Variants in CCDC163 observed in about 807,000 individuals in gnomAD.
CCDC163 encodes transmembrane protein CCDC163.
In CCDC163, 13 loss-of-function variants were observed where a neutral mutation model predicts 8.2. That is an observed-to-expected ratio of 1.59 (90% confidence interval 1.04 to 2.54). CCDC163 has a LOEUF of 2.54. Ranked by LOEUF, CCDC163 falls within the 30% of genes most tolerant of loss-of-function variation. The probability of loss-of-function intolerance (pLI) is 0.00; values close to 1 mark genes in which losing one functional copy is unlikely to be tolerated. For synonymous variants in CCDC163, 41 were observed against 30.9 expected (o/e 1.33, Z -1.08); for missense variants, 117 against 78.6 (o/e 1.49, Z -1.85).
chr1:45,497,222 T>G (rs61788289), intron 3 of CCDC163, 77 bp downstream of exon 3: 35,679 of 668,842 alleles, frequency 0.053, 1,292 homozygotes, highest in Non-Finnish European at 0.07. Flanking sequence ...TAAATAAAAA[T>G]AAATAAAAGA....
In CCDC163 at chr1:45,500,042, C is replaced by G. The variant is rs886107570; in HGVS notation, c.-433G>C. On this transcript the variant is annotated 5_prime_UTR_variant, in exon 1 of 5. Coordinates refer to ENST00000629482, the MANE Select transcript of CCDC163 (RefSeq NM_001102601.3). ...CCTGGGAAACTGAGGTCGCCTCTTG[C>G]GAACACAACCGGCGATGGAGGCGGT... 9.4e-6 allele frequency: 5 copies of G among 530,826 alleles called. No individual in the cohort carries two copies. Among genetic ancestry groups the G allele is most frequent in the Non-Finnish European group, 1.7e-5 (5 of 293,200 alleles). The allele number at this position is 530,826 out of a possible 1,614,324, so 32.9% of individuals were successfully genotyped here. A position where few individuals can be genotyped will look rare whatever the true frequency, so the allele number is the denominator to read the frequency against.
chr1:45,495,606 A>G (rs1654045684), intron 4 of CCDC163: 3 of 690,098 alleles, frequency 4.3e-6, no homozygotes, highest in Non-Finnish European at 8.0e-6. Context: ...GGGCCCTTCC[A>G]ACACAGAACT....
rs1643495585 is a variant in CCDC163, at chr1:45,499,909, C to T, written c.-300G>A. On this transcript the variant is annotated 5_prime_UTR_variant, in exon 1 of 5. Transcript: ENST00000629482. Reference sequence around the variant, plus strand: ...GGTTGAGACCTCCCCAGAAGTAGTACACTGGCGCCACCACGCCAAACCTGT... The same window carrying T: ...GGTTGAGACCTCCCCAGAAGTAGTATACTGGCGCCACCACGCCAAACCTGT... 4.0e-6 allele frequency: 2 copies of T among 496,998 alleles called. No individual in the cohort carries two copies. The highest frequency in any genetic ancestry group is 7.7e-5 in the East Asian group (2 of 25,854). 30.8% of individuals were successfully genotyped at this position (496,998 alleles called of 1,614,324 possible). A position where few individuals can be genotyped will look rare whatever the true frequency, so the allele number is the denominator to read the frequency against.
In CCDC163 at chr1:45,496,552, C is replaced by T; in HGVS notation, c.330+4G>A. ...TGCAGAGACAAGTCTGAACCTAGTCCTACCTTCCAACTGCCAACCTGAGCC... is the reference window on the plus strand; with the variant it reads ...TGCAGAGACAAGTCTGAACCTAGTCTTACCTTCCAACTGCCAACCTGAGCC... On this transcript the variant is annotated splice_donor_region_variant and intron_variant, in intron 4 of 4. Coordinates refer to ENST00000629482, the MANE Select transcript of CCDC163 (RefSeq NM_001102601.3). The T allele has an allele frequency of 2.6e-6, 2 of 780,470 alleles. No individual in the cohort carries two copies. Among genetic ancestry groups the T allele is most frequent in the Non-Finnish European group, 4.8e-6 (2 of 417,846 alleles). The allele number at this position is 780,470 out of a possible 1,614,324, so 48.3% of individuals were successfully genotyped here.
rs371947887 is a variant in CCDC163, at chr1:45,499,521, C to T, written c.78+11G>A. 5.1e-6 allele frequency: 4 copies of T among 778,668 alleles called. No individual in the cohort carries two copies. Among genetic ancestry groups the T allele is most frequent in the African/African-American group, 1.7e-5 (1 of 59,104 alleles). The allele number at this position is 778,668 out of a possible 1,614,324, so 48.2% of individuals were successfully genotyped here. On this transcript the variant is annotated intron_variant, in intron 1 of 4. Transcript: ENST00000629482. ...CCCCACGCAAACTGGGGACCTCCAC[C>T]AACCCCTCACCTTATTCCGGACCAC...
chr1:45,495,669 T>A (rs1654055960), intron 4 of CCDC163: 4 of 144,464 alleles, frequency 2.8e-5, no homozygotes, highest in East Asian at 2.9e-4. Flanking sequence ...TTTTTTTTTT[T>A]TTTTTTTTTT....
intron 3 of CCDC163, 98 bp downstream of exon 3, chr1:45,497,201 A>C: frequency 1.6e-6 from 1 of 610,018 alleles, no homozygotes; most frequent in African/African-American, 1.9e-5. Context: ...CCATCTCAAA[A>C]AGAATAAAAA....
At position 45,497,309 on chromosome 1, in the gene CCDC163, C is replaced by G. The variant is rs1415498267; in HGVS notation, c.252G>C (p.Gln84His). The change falls in exon 3 of 5, where the codon CAG becomes CAC. Residue 84 changes from glutamine (Q) to histidine (H), a missense_variant. Gln to His is a conservative substitution (Grantham distance 24). Transcript: ENST00000629482. ...EIMQKELKLL[Q>H]YQLSQHQELL... ...CCACCTTTTACTTACTCAACTGGTA[C>G]TGCAGCAACTTCAATTCCTTCTGCA... 1 of 780,106 alleles carries G rather than the reference C, an allele frequency of 1.3e-6. No homozygotes were observed. The highest frequency in any genetic ancestry group is 1.3e-5 in the South Asian group (1 of 74,586). The allele number at this position is 780,106 out of a possible 1,614,324, so 48.3% of individuals were successfully genotyped here.
chr1:45,497,955 A>G (rs1314424985), intron 2 of CCDC163, among the ~76,000 whole-genome samples: 10 of 148,190 alleles, frequency 6.7e-5, no homozygotes, highest in Admixed American at 6.7e-4. Context: ...AAAGGTGGGG[A>G]AAAGATTGAG....
Position 45,494,276 on chromosome 1 carries a change from TG to T in CCDC163, c.*782del, listed in dbSNP as rs1234681139. On this transcript the variant is annotated 3_prime_UTR_variant, in exon 5 of 5. Transcript: ENST00000629482. ...TTCGAGACCAGCCTGGGCAACATGG[TG>T]AAAACCTGTCTCTACAAAAAATATT... 1 of 152,110 alleles carries T rather than the reference TG, an allele frequency of 6.6e-6. No individual in the cohort carries two copies. The highest frequency in any genetic ancestry group is 1.5e-5 in the Non-Finnish European group (1 of 68,150). The allele number at this position is 152,110 out of a possible 1,614,324, so 9.4% of individuals were successfully genotyped here. A position where few individuals can be genotyped will look rare whatever the true frequency, so the allele number is the denominator to read the frequency against.
At chr1:45,498,319 C>T (rs1643419912) in intron 2 of CCDC163, 1 of 157,900 alleles carries the variant, frequency 6.3e-6, no homozygotes, top group African/African-American at 2.5e-5. Context: ...CTTCCCTCCA[C>T]TATTGTCCTA....
intron 2 of CCDC163, among the ~76,000 whole-genome samples, chr1:45,497,677 C>A (rs1332548395): frequency 2.6e-5 from 2 of 77,786 alleles, no homozygotes; most frequent in Non-Finnish European, 5.0e-5. Flanking sequence ...AGCGTCTCCG[C>A]CCGGCAGCCA....
At chr1:45,497,692 G>C (rs796669887) in intron 2 of CCDC163, among the ~76,000 whole-genome samples, 6 of 21,594 alleles carry the variant, frequency 2.8e-4, no homozygotes, top group Admixed American at 7.3e-4. Flanking sequence ...CAGCCACCCC[G>C]TCCGGGAGGG....
At chr1:45,496,107 A>C (rs1221657436) in intron 4 of CCDC163, 5 of 287,594 alleles carry the variant, frequency 1.7e-5, no homozygotes, top group Non-Finnish European at 3.4e-5. Context: ...TTTGGTCCCC[A>C]GTGCCCGACC....
At chr1:45,496,133 C>G (rs1235154793) in intron 4 of CCDC163, 7 of 294,024 alleles carry the variant, frequency 2.4e-5, no homozygotes, top group South Asian at 1.0e-4. Context: ...GACAATTTCC[C>G]TCCAATGGCA....
At chr1:45,497,254 G>C (rs1654236774) in intron 3 of CCDC163, 45 bp downstream of exon 3, 1 of 744,384 alleles carries the variant, frequency 1.3e-6, no homozygotes, top group South Asian at 1.5e-5. Context: ...TTCCAGAAAA[G>C]GGGACAAGGA....
chr1:45,497,883 C>T (rs1260485071), intron 2 of CCDC163, among the ~76,000 whole-genome samples: 6 of 146,298 alleles, frequency 4.1e-5, no homozygotes, highest in African/African-American at 1.5e-4. Flanking sequence ...GGAGGTGTGC[C>T]CAACAGCTCA....
At chr1:45,497,617 T>C (rs1371809940) in intron 2 of CCDC163, among the ~76,000 whole-genome samples, 3 of 104,410 alleles carry the variant, frequency 2.9e-5, no homozygotes, top group African/African-American at 7.6e-5. Flanking sequence ...CCTCCCAAAG[T>C]GCCGAGACTG....
At position 45,499,903 on chromosome 1, in the gene CCDC163, G is replaced by A. The variant is rs1319713555; in HGVS notation, c.-294C>T. 3 of 502,232 alleles carry A rather than the reference G, an allele frequency of 6.0e-6. No individual in the cohort carries two copies. The highest frequency in any genetic ancestry group is 5.8e-5 in the African/African-American group (3 of 51,984). The allele number at this position is 502,232 out of a possible 1,614,324, so 31.1% of individuals were successfully genotyped here. On this transcript the variant is annotated 5_prime_UTR_variant, in exon 1 of 5. Coordinates refer to ENST00000629482, the MANE Select transcript of CCDC163 (RefSeq NM_001102601.3). The stretch of plus-strand genomic sequence containing the variant: ...GAACCTGGTTGAGACCTCCCCAGAA[G>A]TAGTACACTGGCGCCACCACGCCAA...
Sources: gnomAD v4.1 joint callset for allele counts (sites outside exome capture counted in the v4.1 genomes callset) on GRCh38, gnomAD v4.1.1 for gene constraint, MANE v1.5 for transcripts, NCBI Gene and HGNC (gene_info 2026-07-23, HGNC 2026-07-21) for gene names.